Variants in LZIC observed in about 807,000 individuals in gnomAD.
LZIC encodes the protein leucine zipper and CTNNBIP1 domain containing.
A neutral mutation model predicts 25.4 loss-of-function variants in LZIC; 28 were observed. The ratio of observed to expected loss-of-function variants is 1.10; its 90% CI spans 0.82 to 1.51. The LOEUF is 1.51. LZIC is among the 40% of genes most tolerant of loss of function. The pLI is 0.00. For missense variants in LZIC, 170 were observed against 211.1 expected (o/e 0.81, Z 1.21); for synonymous variants, 65 against 70.7 (o/e 0.92, Z 0.40).
Position 9,929,841 on chromosome 1 carries a change from T to G in LZIC, c.*558A>C. 1 of 982,036 alleles carries G rather than the reference T, an allele frequency of 1.0e-6. No individual in the cohort carries two copies. The highest frequency in any genetic ancestry group is 4.7e-5 in the South Asian group (1 of 21,204). 60.8% of individuals were successfully genotyped at this position (982,036 alleles called of 1,614,324 possible). A position where few individuals can be genotyped will look rare whatever the true frequency, so the allele number is the denominator to read the frequency against. ...AATTCAAAAGATACTAAACTGGGAGTCAGGACACCTGAGTCTTACCCTCAG... is the reference window on the plus strand; with the variant it reads ...AATTCAAAAGATACTAAACTGGGAGGCAGGACACCTGAGTCTTACCCTCAG... On this transcript the variant is annotated 3_prime_UTR_variant, in exon 8 of 8. Coordinates refer to ENST00000377223, the MANE Select transcript of LZIC (RefSeq NM_032368.5).
chr1:9,932,447 C>T (rs1216171209), intron 6 of LZIC, among the ~76,000 whole-genome samples: 1 of 151,174 alleles, frequency 6.6e-6, no homozygotes, highest in Admixed American at 6.6e-5. Flanking sequence ...CTTTGGGAGG[C>T]TGTGGCGGGC....
In LZIC at chr1:9,929,573, TC is replaced by T; in HGVS notation, c.*825del. On this transcript the variant is annotated 3_prime_UTR_variant, in exon 8 of 8. Transcript: ENST00000377223. ...ACAGGGAGGGCCTCTAGCTGCCATTTCCTGTTGCTTCCCTGGTCAAACAACG... is the reference window on the plus strand; with the variant it reads ...ACAGGGAGGGCCTCTAGCTGCCATTTCTGTTGCTTCCCTGGTCAAACAACG... 1.0e-6 allele frequency: 1 copy of T among 985,412 alleles called. No individual in the cohort carries two copies. Among genetic ancestry groups the T allele is most frequent in the Non-Finnish European group, 1.2e-6 (1 of 829,930 alleles). The allele number at this position is 985,412 out of a possible 1,614,324, so 61.0% of individuals were successfully genotyped here.
intron 2 of LZIC, among the ~76,000 whole-genome samples, chr1:9,940,896 C>G (rs1305872693): frequency 6.6e-6 from 1 of 152,112 alleles, no homozygotes; most frequent in African/African-American, 2.4e-5. Context: ...TAATTTTTCT[C>G]TTAAGTCTGT....
intron 6 of LZIC, 116 bp downstream of exon 6, chr1:9,932,685 GAA>G (rs34009055): frequency 0.018 from 5,062 of 280,006 alleles, no homozygotes; most frequent in Middle Eastern, 0.029. Flanking sequence ...CTCCGTCTCA[GAA>G]AAAAAAAAAA....
chr1:9,930,532 A>C, intron 7 of LZIC, 75 bp from the exon 8 acceptor site: 2 of 1,587,216 alleles, frequency 1.3e-6, no homozygotes, highest in South Asian at 2.2e-5. Context: ...GTGGGAAAAA[A>C]TCTATCATAT....
intron 6 of LZIC, 78 bp downstream of exon 6, chr1:9,932,725 A>G: frequency 1.2e-6 from 1 of 830,022 alleles, no homozygotes; most frequent in Non-Finnish European, 1.9e-6. Flanking sequence ...AGTACCACAA[A>G]CTAGACCACA....
intron 2 of LZIC, 81 bp from the exon 3 acceptor site, chr1:9,936,708 CAG>C (rs1473039180): frequency 1.1e-6 from 1 of 902,664 alleles, no homozygotes; most frequent in East Asian, 2.4e-5. Context: ...TTTGTAGAGA[CAG>C]AGTCTCACTA....
At chr1:9,935,051 C>A (rs1252393325) in intron 4 of LZIC, among the ~76,000 whole-genome samples, 191 bp from the exon 5 acceptor site, 5 of 151,926 alleles carry the variant, frequency 3.3e-5, no homozygotes, top group Non-Finnish European at 2.9e-5. Flanking sequence ...GAAGTTACAC[C>A]TTGGGAGGCC....
intron 4 of LZIC, 51 bp from the exon 5 acceptor site, chr1:9,934,911 T>C (rs545283467): frequency 1.5e-6 from 2 of 1,300,840 alleles, no homozygotes; most frequent in Non-Finnish European, 2.2e-6. Context: ...ACAAATCAGA[T>C]ATTGCAATAA....
chr1:9,934,700 T>A, intron 5 of LZIC, 62 bp downstream of exon 5: 1 of 1,412,044 alleles, frequency 7.1e-7, no homozygotes, highest in Non-Finnish European at 1.0e-6. Flanking sequence ...TAGGATATCA[T>A]AATGAATTGG....
At chr1:9,941,722 C>A (rs1486616290) in intron 2 of LZIC, among the ~76,000 whole-genome samples, 2 of 152,012 alleles carry the variant, frequency 1.3e-5, no homozygotes, top group Non-Finnish European at 2.9e-5. Flanking sequence ...TGGTCTCGAT[C>A]TCTTGCCCTC....
At chr1:9,934,691 A>G in intron 5 of LZIC, 71 bp downstream of exon 5, 4 of 1,313,744 alleles carry the variant, frequency 3.0e-6, no homozygotes, top group African/African-American at 1.5e-5. Context: ...TTTAAGCCAT[A>G]GGATATCATA....
chr1:9,930,815 G>C (rs1284281125), intron 7 of LZIC, among the ~76,000 whole-genome samples: 1 of 152,070 alleles, frequency 6.6e-6, no homozygotes, highest in Non-Finnish European at 1.5e-5. Flanking sequence ...CACCTCCTGG[G>C]TTCAAGCAAT....
intron 2 of LZIC, among the ~76,000 whole-genome samples, chr1:9,937,043 C>G (rs1640491284): frequency 6.6e-6 from 1 of 151,928 alleles, no homozygotes; most frequent in South Asian, 2.1e-4. Context: ...GTGGGTGGAT[C>G]ACCTGAGGTC....
chr1:9,926,256 C>A (rs973335620), downstream of LZIC, among the ~76,000 whole-genome samples: 1 of 151,986 alleles, frequency 6.6e-6, no homozygotes, highest in African/African-American at 2.4e-5. Flanking sequence ...CTGGTCTTAG[C>A]AATAAATAGA....
chr1:9,925,044 G>GCC (rs1639947976), downstream of LZIC, among the ~76,000 whole-genome samples: 1 of 151,890 alleles, frequency 6.6e-6, no homozygotes, highest in Non-Finnish European at 1.5e-5. Context: ...GGGCGCAGTG[G>GCC]CTCACGCCTG....
At chr1:9,939,356 T>C (rs1265652307) in intron 2 of LZIC, among the ~76,000 whole-genome samples, 12 of 127,894 alleles carry the variant, frequency 9.4e-5, no homozygotes, top group Admixed American at 4.0e-4. Context: ...GGCACCCCAC[T>C]TGGCTTTTTT....
chr1:9,933,517 C>T (rs544515515), intron 5 of LZIC, among the ~76,000 whole-genome samples: 2 of 152,028 alleles, frequency 1.3e-5, no homozygotes, highest in Admixed American at 1.3e-4. Flanking sequence ...ACACATATTA[C>T]TTCATTTAAT....
intron 2 of LZIC, among the ~76,000 whole-genome samples, chr1:9,941,025 T>G (rs1049124933): frequency 2.0e-5 from 3 of 152,188 alleles, no homozygotes; most frequent in African/African-American, 7.2e-5. Flanking sequence ...TGTCATGCAC[T>G]TTTTTGAGCC....
Sources: allele counts gnomAD v4.1 joint callset (sites outside exome capture counted in the v4.1 genomes callset), GRCh38; gene constraint gnomAD v4.1.1; transcripts MANE v1.5; gene names NCBI Gene and HGNC (gene_info 2026-07-23, HGNC 2026-07-21).